The following VIT variants were observed in gnomAD, a reference collection of about 807,000 sequenced individuals.
VIT encodes the protein vitrin.
In VIT, 99 loss-of-function variants were observed where a neutral mutation model predicts 78.0. That is an observed-to-expected ratio of 1.27 (90% CI 1.08 to 1.50). VIT has a LOEUF of 1.50. Ranked by LOEUF, VIT falls within the 40% of genes most tolerant of loss-of-function variation. The pLI, the probability that VIT is intolerant of heterozygous loss-of-function variation, is 0.00. For synonymous variants in VIT, 374 were observed against 334.3 expected (o/e 1.12, Z -1.29); for missense variants, 1,126 against 875.3 (o/e 1.29, Z -3.61).
chr2:36,750,183 T>C (rs1668370872), intron 4 of VIT, among the ~76,000 whole-genome samples: 1 of 152,234 alleles, frequency 6.6e-6, no homozygotes, highest in Non-Finnish European at 1.5e-5. Context: ...AAAAATATTT[T>C]GCTTTCACCC....
Position 36,773,718 on chromosome 2 carries a change from C to G in VIT, c.680-73C>G, listed in dbSNP as rs1020655005. The stretch of plus-strand genomic sequence containing the variant: ...CAGCTCTGGGCATACAGTGAGACTC[C>G]GACTCAAAAATAAATAAATTAATTA... On this transcript the variant is annotated intron_variant, in intron 7 of 15. Coordinates refer to ENST00000379242, the MANE Select transcript of VIT (RefSeq NM_053276.4). 5.3e-6 allele frequency: 7 copies of G among 1,325,354 alleles called. No individual in the cohort carries two copies. In the Admixed American group the frequency reaches 1.9e-4, roughly 36 times the overall value. 82.1% of individuals were successfully genotyped at this position (1,325,354 alleles called of 1,614,324 possible).
At chr2:36,779,650 A>G (rs1664606547) in intron 9 of VIT, among the ~76,000 whole-genome samples, 1 of 152,128 alleles carries the variant, frequency 6.6e-6, no homozygotes, top group Non-Finnish European at 1.5e-5. Context: ...AACAGGCCCC[A>G]GTACGTGCTG....
chr2:36,814,497 T>A lies in VIT; in HGVS notation c.*136T>A. ...AGAAACAAATGTCTTGTTATTATTC[T>A]TTGCCATCATGCTTTTTCATATTCC... On this transcript the variant is annotated 3_prime_UTR_variant, in exon 16 of 16. Coordinates refer to ENST00000379242, the MANE Select transcript of VIT (RefSeq NM_053276.4). 1 of 1,095,458 alleles carries A rather than the reference T, an allele frequency of 9.1e-7. No individual in the cohort carries two copies. The allele number at this position is 1,095,458 out of a possible 1,614,324, so 67.9% of individuals were successfully genotyped here.
intron 1 of VIT, among the ~76,000 whole-genome samples, chr2:36,701,804 A>G (rs572043082): frequency 6.6e-6 from 1 of 152,338 alleles, no homozygotes; most frequent in South Asian, 2.1e-4. Context: ...TTTATACACC[A>G]TAGTGAGTAA....
At chr2:36,791,985 G>T (rs1026517723) in intron 12 of VIT, among the ~76,000 whole-genome samples, 1 of 152,140 alleles carries the variant, frequency 6.6e-6, no homozygotes, top group Admixed American at 6.5e-5. Flanking sequence ...CAGCTGGGAT[G>T]GGGGCTGGCA....
rs1289488906 is a variant in VIT, at chr2:36,759,044, C to A, written c.485C>A (p.Ala162Glu). Residue 162 changes from alanine to glutamate, a missense_variant and splice_region_variant, in exon 6 of 16, where the codon GCA (alanine) becomes GAA (glutamate). Coordinates refer to ENST00000379242, the MANE Select transcript of VIT (RefSeq NM_053276.4). Reference sequence around the variant, plus strand: ...TCATCGAAAAGTCCAGCTGCCCAAGCAGGCAAGTGCTCACGTGTGATTGAA... The same window carrying A: ...TCATCGAAAAGTCCAGCTGCCCAAGAAGGCAAGTGCTCACGTGTGATTGAA... ...YSSSKSPAAQAGETTKAYQRP... is the reference protein window; with the variant it reads ...YSSSKSPAAQEGETTKAYQRP... The A allele has an allele frequency of 6.2e-7, 1 of 1,614,100 alleles. No individual in the cohort carries two copies. Among genetic ancestry groups the A allele is most frequent in the East Asian group, 2.2e-5 (1 of 44,862 alleles).
chr2:36,723,718 G>A (rs569527586), intron 2 of VIT, among the ~76,000 whole-genome samples: 1 of 152,220 alleles, frequency 6.6e-6, no homozygotes, highest in Admixed American at 6.5e-5. Flanking sequence ...TATTTAATAT[G>A]CTTCAACATT....
intron 15 of VIT, among the ~76,000 whole-genome samples, chr2:36,812,982 C>T (rs1383936820): frequency 6.8e-6 from 1 of 147,706 alleles, no homozygotes; most frequent in Non-Finnish European, 1.5e-5. Context: ...CTGTCTCAGC[C>T]TCCCGAGTAG....
At chr2:36,792,819 C>T (rs1303143434) in intron 12 of VIT, among the ~76,000 whole-genome samples, 2 of 152,202 alleles carry the variant, frequency 1.3e-5, no homozygotes, top group Non-Finnish European at 2.9e-5. Context: ...CTCCACCCTC[C>T]TCCCTTTCTC....
chr2:36,766,153 T>C (rs1205997650), intron 6 of VIT, among the ~76,000 whole-genome samples: 4 of 152,202 alleles, frequency 2.6e-5, no homozygotes, highest in African/African-American at 7.2e-5. Context: ...TGAGACTTGC[T>C]TTATAGGGAG....
intron 12 of VIT, among the ~76,000 whole-genome samples, chr2:36,798,915 T>C (rs953650085): frequency 1.3e-5 from 2 of 152,198 alleles, no homozygotes; most frequent in African/African-American, 4.8e-5. Context: ...CTTCACACTG[T>C]AGGTTGATAG....
chr2:36,792,938 T>C (rs1665610045), intron 12 of VIT, among the ~76,000 whole-genome samples: 1 of 152,198 alleles, frequency 6.6e-6, no homozygotes, highest in Non-Finnish European at 1.5e-5. Flanking sequence ...TAAAGCATCC[T>C]CTAAGACATT....
At chr2:36,765,873 T>A (rs1001203248) in intron 6 of VIT, among the ~76,000 whole-genome samples, 4 of 152,274 alleles carry the variant, frequency 2.6e-5, no homozygotes, top group African/African-American at 9.6e-5. Flanking sequence ...TCTGTCATTT[T>A]AAGCCACCCA....
rs1040337099 is a variant in VIT at position 36,733,719 on chromosome 2, T to C, written c.118+4228T>C. Among the ~76,000 whole-genome samples, 4 of 152,238 alleles carry C rather than the reference T, an allele frequency of 2.6e-5. No individual in the cohort carries two copies. In the East Asian group the frequency reaches 7.7e-4, roughly 29 times the overall value. On this transcript the variant is annotated intron_variant, in intron 3 of 15. Transcript: ENST00000379242. The stretch of plus-strand genomic sequence containing the variant: ...ACAATTACAATTTCTCTTGCCGTTC[T>C]GGAGGTAAGGGCTTACAGATCGTTA...
chr2:36,798,386 G>A (rs1666060727), intron 12 of VIT, among the ~76,000 whole-genome samples: 1 of 152,170 alleles, frequency 6.6e-6, no homozygotes, highest in South Asian at 2.1e-4. Flanking sequence ...TAGAGGAATG[G>A]CCAGGACCTG....
chr2:36,747,674 A>T (rs948474852), intron 4 of VIT, among the ~76,000 whole-genome samples: 1 of 152,240 alleles, frequency 6.6e-6, no homozygotes, highest in South Asian at 2.1e-4. Context: ...TCTTGAAGAC[A>T]GTAGATGGCT....
Position 36,808,961 on chromosome 2 carries a change from C to G in VIT, c.1879C>G (p.Pro627Ala). The change falls in exon 15 of 16, where the codon CCA becomes GCA. Residue 627 changes from proline to alanine, a missense_variant. By Grantham distance (27) the Pro-to-Ala change is conservative (BLOSUM62 -1). Coordinates refer to ENST00000379242, the MANE Select transcript of VIT (RefSeq NM_053276.4). ...DGRSYDDVRI[P>A]AMAAHLKGVI... ...GAGGTCCTACGACGACGTCCGGATC[C>G]CAGCCATGGCTGCCCATCTGAAGGG... The G allele has an allele frequency of 6.3e-7, 1 of 1,593,830 alleles. No homozygotes were observed. Among genetic ancestry groups the G allele is most frequent in the East Asian group, 2.2e-5 (1 of 44,566 alleles).
chr2:36,796,047 A>G (rs1230420751), intron 12 of VIT, among the ~76,000 whole-genome samples: 1 of 151,874 alleles, frequency 6.6e-6, no homozygotes, highest in East Asian at 1.9e-4. Context: ...AATAATATCT[A>G]AAGGGTGTGA....
chr2:36,726,037 C>A (rs1165891271), intron 2 of VIT, among the ~76,000 whole-genome samples: 3 of 151,118 alleles, frequency 2.0e-5, no homozygotes, highest in Non-Finnish European at 4.4e-5. Flanking sequence ...CTACTACAAT[C>A]CAGCCTGGGT....
Sources: gnomAD v4.1 joint callset for allele counts (sites outside exome capture counted in the v4.1 genomes callset) on GRCh38, gnomAD v4.1.1 for gene constraint, MANE v1.5 for transcripts, NCBI Gene and HGNC (gene_info 2026-07-23, HGNC 2026-07-21) for gene names.